The following ATF6 variants were observed in gnomAD, a reference collection of about 807,000 sequenced individuals.
ATF6 encodes the protein activating transcription factor 6, also known as cyclic AMP-dependent transcription factor ATF-6 alpha.
Under a neutral mutation model 83.6 loss-of-function variants are expected in ATF6, and 53 were observed. That is an observed-to-expected ratio of 0.63 (90% CI 0.51 to 0.80). ATF6 has a LOEUF of 0.80. ATF6 is among the 30% of genes least tolerant of loss of function. The pLI, the probability that ATF6 is intolerant of heterozygous loss-of-function variation, is 0.00. For missense variants in ATF6, 744 were observed against 797.9 expected (o/e 0.93, Z 0.81); for synonymous variants, 288 against 285.8 (o/e 1.01, Z -0.08).
intron 14 of ATF6, among the ~76,000 whole-genome samples, chr1:161,907,773 GT>G (rs1443049607): frequency 6.6e-6 from 1 of 152,126 alleles, no homozygotes; most frequent in Non-Finnish European, 1.5e-5. Flanking sequence ...TCATTGGCTA[GT>G]TTTGTATGCA....
At chr1:161,877,482 A>C (rs754781818) in intron 14 of ATF6, among the ~76,000 whole-genome samples, 1 of 152,106 alleles carries the variant, frequency 6.6e-6, no homozygotes, top group Non-Finnish European at 1.5e-5. Flanking sequence ...AAAGAGCTTT[A>C]TTTGAGGCAC....
intron 3 of ATF6, among the ~76,000 whole-genome samples, chr1:161,782,212 A>G (rs1354301206): frequency 6.6e-6 from 1 of 152,218 alleles, no homozygotes; most frequent in Non-Finnish European, 1.5e-5. Context: ...CAGTAGTGTA[A>G]TGAATGAACA....
chr1:161,787,482 C>T (rs1037298926), intron 4 of ATF6, among the ~76,000 whole-genome samples: 30 of 152,250 alleles, frequency 2.0e-4, no homozygotes, highest in Non-Finnish European at 4.4e-5. Context: ...TCTTCCCATG[C>T]GGATGCCCTC....
At chr1:161,941,391 A>T (rs1449468159) in intron 15 of ATF6, among the ~76,000 whole-genome samples, 1 of 152,214 alleles carries the variant, frequency 6.6e-6, no homozygotes, top group African/African-American at 2.4e-5. Flanking sequence ...TTCTGACTAG[A>T]TGAGTCAGTA....
At chr1:161,835,797 T>C (rs922867450) in intron 9 of ATF6, among the ~76,000 whole-genome samples, 1 of 152,214 alleles carries the variant, frequency 6.6e-6, no homozygotes, top group African/African-American at 2.4e-5. Flanking sequence ...ATAGATTCCT[T>C]TGTTATGTTT....
Position 161,778,260 on chromosome 1 carries a change from T to C in ATF6, c.99T>C (p.Ala33=). 1 of 1,613,616 alleles carries C rather than the reference T, an allele frequency of 6.2e-7. No individual in the cohort carries two copies. Among genetic ancestry groups the C allele is most frequent in the Non-Finnish European group, 8.5e-7 (1 of 1,179,758 alleles). The part of the protein sequence containing the change: ...LDEDWDSALF[A]ELGYFTDTDE... The stretch of plus-strand genomic sequence containing the variant: ...TGTCCAAAGATTCTGCTCTCTTTGC[T>C]GAACTCGGTTATTTCACAGACACTG... Residue 33 remains alanine, a synonymous_variant, in exon 2 of 16, where the codon GCT becomes GCC. Coordinates refer to ENST00000367942, the MANE Select transcript of ATF6 (RefSeq NM_007348.4).
chr1:161,955,771 C>T (rs1392940208), intron 15 of ATF6, among the ~76,000 whole-genome samples: 3 of 152,194 alleles, frequency 2.0e-5, no homozygotes, highest in Non-Finnish European at 4.4e-5. Context: ...AAGGAGCTTC[C>T]TGACTTCAGC....
chr1:161,866,299 C>G (rs1220414602), intron 14 of ATF6, among the ~76,000 whole-genome samples: 1 of 152,184 alleles, frequency 6.6e-6, no homozygotes, highest in Non-Finnish European at 1.5e-5. Context: ...ATTTAAGCCA[C>G]TCTCTCCCAA....
chr1:161,774,508 A>G (rs907528502), intron 1 of ATF6, among the ~76,000 whole-genome samples: 3 of 152,210 alleles, frequency 2.0e-5, no homozygotes, highest in Non-Finnish European at 4.4e-5. Flanking sequence ...TTTTAAGAAC[A>G]GTGCAAAGAA....
intron 14 of ATF6, among the ~76,000 whole-genome samples, chr1:161,883,607 T>C (rs1219823278): frequency 6.6e-5 from 10 of 152,122 alleles, no homozygotes; most frequent in Non-Finnish European, 1.0e-4. Flanking sequence ...GACTATGTCA[T>C]GGGTTCATTC....
intron 12 of ATF6, among the ~76,000 whole-genome samples, chr1:161,854,910 C>A (rs548904005): frequency 6.6e-6 from 1 of 151,742 alleles, no homozygotes; most frequent in Admixed American, 6.6e-5. Flanking sequence ...GGAGAAAGAG[C>A]TTCCAGACAG....
chr1:161,840,177 T>A (rs574773089), intron 9 of ATF6: 1 of 152,340 alleles, frequency 6.6e-6, no homozygotes, highest in South Asian at 2.1e-4. Context: ...AAATATTTGT[T>A]ATTTTTCATG....
chr1:161,825,053 T>G (rs954540195), intron 9 of ATF6, among the ~76,000 whole-genome samples: 1 of 152,224 alleles, frequency 6.6e-6, no homozygotes, highest in African/African-American at 2.4e-5. Flanking sequence ...ACAATTTGAC[T>G]CAATTCTTTT....
At chr1:161,790,037 T>C (rs1192016967) in intron 4 of ATF6, among the ~76,000 whole-genome samples, 2 of 152,206 alleles carry the variant, frequency 1.3e-5, no homozygotes, top group Non-Finnish European at 2.9e-5. Flanking sequence ...AAGTTTAAAT[T>C]TGCCTTTGAC....
rs1689117717 is a variant in ATF6, at chr1:161,962,354, C to T, written c.*3700C>T. Reference sequence around the variant, plus strand: ...TAAATCTTAGCCTGAACCTTCCTCCCCTGTGTGTATTCCCCGGTAGTCACC... The same window carrying T: ...TAAATCTTAGCCTGAACCTTCCTCCTCTGTGTGTATTCCCCGGTAGTCACC... On this transcript the variant is annotated 3_prime_UTR_variant, in exon 16 of 16. Coordinates refer to ENST00000367942, the MANE Select transcript of ATF6 (RefSeq NM_007348.4). The T allele has an allele frequency of 6.6e-6, 1 of 152,126 alleles. No individual in the cohort carries two copies. The allele number at this position is 152,126 out of a possible 1,614,324, so 9.4% of individuals were successfully genotyped here. A position where few individuals can be genotyped will look rare whatever the true frequency, so the allele number is the denominator to read the frequency against.
rs904249256 is a variant in ATF6 at position 161,958,830 on chromosome 1, A to G, written c.*176A>G. On this transcript the variant is annotated 3_prime_UTR_variant, in exon 16 of 16. Transcript: ENST00000367942. ...TCCATTTTTCATCATCTACCCATCT[A>G]TTTGGAAAGCACTGGAATTCAGATG... 1.3e-5 allele frequency: 7 copies of G among 553,740 alleles called. No individual in the cohort carries two copies. Among genetic ancestry groups the G allele is most frequent in the South Asian group, 2.9e-5 (1 of 34,740 alleles). The allele number at this position is 553,740 out of a possible 1,614,324, so 34.3% of individuals were successfully genotyped here.
intron 7 of ATF6, among the ~76,000 whole-genome samples, chr1:161,817,546 C>T (rs1478023839): frequency 6.6e-6 from 1 of 151,846 alleles, no homozygotes; most frequent in Non-Finnish European, 1.5e-5. Context: ...TGTGCATGTG[C>T]GTGTTTAGCA....
chr1:161,844,863 A>G (rs1341129688), intron 9 of ATF6, among the ~76,000 whole-genome samples: 1 of 152,084 alleles, frequency 6.6e-6, no homozygotes, highest in Non-Finnish European at 1.5e-5. Context: ...GACTTTTCTT[A>G]AGTTTAGACA....
At chr1:161,835,523 C>T (rs1039937506) in intron 9 of ATF6, among the ~76,000 whole-genome samples, 16 of 152,148 alleles carry the variant, frequency 1.1e-4, no homozygotes, top group African/African-American at 3.6e-4. Flanking sequence ...TTTCTTTCTT[C>T]CTATACATTG....
Sources: allele counts gnomAD v4.1 joint callset (sites outside exome capture counted in the v4.1 genomes callset), GRCh38; gene constraint gnomAD v4.1.1; transcripts MANE v1.5; gene names NCBI Gene and HGNC (gene_info 2026-07-23, HGNC 2026-07-21).